Variants in TVP23A observed in about 807,000 individuals in gnomAD.
TVP23A encodes Golgi apparatus membrane protein TVP23 homolog A.
A neutral mutation model predicts 31.7 loss-of-function variants in TVP23A; 21 were observed. The ratio of observed to expected loss-of-function variants is 0.66; its 90% confidence interval spans 0.47 to 0.95. The LOEUF (loss-of-function observed/expected upper bound fraction) is 0.95. Ranked by LOEUF, TVP23A falls within the 40% of genes least tolerant of loss-of-function variation. The pLI, the probability that TVP23A is intolerant of heterozygous loss-of-function variation, is 0.00. For synonymous variants in TVP23A, 104 were observed against 96.0 expected, an observed-to-expected ratio of 1.08 and a Z score of -0.49; for missense variants, 279 against 255.6, an observed-to-expected ratio of 1.09 and a Z score of -0.62.
intron 2 of TVP23A, among the ~76,000 whole-genome samples, chr16:10,784,051 C>G (rs967205495): frequency 1.3e-5 from 2 of 152,112 alleles, no homozygotes; most frequent in African/African-American, 4.8e-5. Context: ...ATAGAATGGG[C>G]TAGGCGTGGT....
At chr16:10,804,825 T>C (rs965149587) in intron 2 of TVP23A, among the ~76,000 whole-genome samples, 1 of 152,054 alleles carries the variant, frequency 6.6e-6, no homozygotes, top group Non-Finnish European at 1.5e-5. Flanking sequence ...CCCACAAAAT[T>C]AACCATTTTA....
chr16:10,805,914 C>T (rs1218374542), intron 2 of TVP23A, among the ~76,000 whole-genome samples: 1 of 151,974 alleles, frequency 6.6e-6, no homozygotes, highest in African/African-American at 2.4e-5. Context: ...TGGAGTGTCC[C>T]CCAGCAATGT....
At chr16:10,787,816 G>A (rs1000782618) in intron 2 of TVP23A, among the ~76,000 whole-genome samples, 1 of 152,020 alleles carries the variant, frequency 6.6e-6, no homozygotes, top group African/African-American at 2.4e-5. Flanking sequence ...GGCATGAGAT[G>A]ACAAACCCAG....
rs116927907 is a variant in TVP23A at position 10,790,118 on chromosome 16, G to T, written c.90-15022C>A. 9.0e-3 allele frequency among the ~76,000 whole-genome samples: 1,375 copies of T among 152,140 alleles called. 20 individuals are homozygous for T. The highest frequency in any genetic ancestry group is 0.026 in the East Asian group (137 of 5,178). On this transcript the variant is annotated intron_variant, in intron 2 of 7. Transcript: ENST00000299866. ...ATGCTTCCTATTCAGACCTTTAAAA[G>T]GTGCTAGGTTCTCAGTTAATCTCTT...
At chr16:10,809,887 G>C (rs759729193) in intron 2 of TVP23A, among the ~76,000 whole-genome samples, 1 of 152,100 alleles carries the variant, frequency 6.6e-6, no homozygotes, top group Non-Finnish European at 1.5e-5. Flanking sequence ...CTAGGTATGT[G>C]CCCAAAAGAA....
intron 2 of TVP23A, among the ~76,000 whole-genome samples, chr16:10,792,453 T>G (rs2142991839): frequency 6.6e-6 from 1 of 152,256 alleles, no homozygotes; most frequent in East Asian, 1.9e-4. Context: ...AGTTACGAAA[T>G]GCAGGACCCA....
At chr16:10,775,272 C>T in intron 2 of TVP23A, 176 bp from the exon 3 acceptor site, 1 of 1,430,574 alleles carries the variant, frequency 7.0e-7, no homozygotes. Context: ...ATTAGGTCAG[C>T]AGTCCCCAGA....
Position 10,818,551 on chromosome 16 carries a change from C to T in TVP23A, c.-58G>A. 1.9e-6 allele frequency: 3 copies of T among 1,580,548 alleles called. No homozygotes were observed. The highest frequency in any genetic ancestry group is 2.6e-6 in the Non-Finnish European group (3 of 1,170,528). ...CCGGGGCTCCAGCTCCGCCCGTCGC[C>T]GCTGAAGGGGTCGGACGCCGGGCGG... On this transcript the variant is annotated 5_prime_UTR_variant, in exon 1 of 8. Coordinates refer to ENST00000299866, the MANE Select transcript of TVP23A (RefSeq NM_001079512.4). The surrounding 1 kb of genome is among the most constrained non-coding windows in gnomAD (Gnocchi z 4.7).
chr16:10,813,999 CAAAAAAAAAA>C (rs201277067), intron 2 of TVP23A, among the ~76,000 whole-genome samples: 14 of 49,530 alleles, frequency 2.8e-4, no homozygotes, highest in South Asian at 1.3e-3. Context: ...AACTCCATCT[CAAAAAAAAAA>C]AAAAAAAAAA....
intron 2 of TVP23A, among the ~76,000 whole-genome samples, chr16:10,793,763 G>A (rs920993215): frequency 5.9e-5 from 9 of 151,448 alleles, no homozygotes; most frequent in Non-Finnish European, 1.3e-4. Context: ...GCTGGGCATG[G>A]TGGCATACAC....
At position 10,761,429 on chromosome 16, in the gene TVP23A, C is replaced by T. The variant is rs138217163; in HGVS notation, c.*346G>A. On this transcript the variant is annotated 3_prime_UTR_variant and NMD_transcript_variant, in exon 9 of 9. Coordinates refer to the TVP23A transcript ENST00000456096. ...GCCGCAAGGTGAAGCTGCCCATCAT[C>T]GGGGTGGTGGAGAACATGAGTGGCT... 109 of 1,614,124 alleles carry T rather than the reference C, an allele frequency of 6.8e-5. No individual in the cohort carries two copies. In the East Asian group the frequency reaches 2.0e-3, roughly 29 times the overall value.
At chr16:10,762,403 C>A (rs2030066443), downstream of TVP23A, among the ~76,000 whole-genome samples, 2 of 152,228 alleles carry the variant, frequency 1.3e-5, no homozygotes, top group South Asian at 4.1e-4. Context: ...GAGATGCCCA[C>A]TCCCTGAGTG....
At chr16:10,781,340 A>G (rs1445455845) in intron 2 of TVP23A, among the ~76,000 whole-genome samples, 1 of 151,960 alleles carries the variant, frequency 6.6e-6, no homozygotes, top group Non-Finnish European at 1.5e-5. Flanking sequence ...AAAAAAAAAA[A>G]AGAAAAAAGA....
chr16:10,767,852 C>A lies in TVP23A; in HGVS notation c.*1250G>T. ...ATTACGAGTGAAGCGGGCTCAAGAT[C>A]TTCCCATTGTCACCAGCACGGAAAG... On this transcript the variant is annotated 3_prime_UTR_variant, in exon 8 of 8. Transcript: ENST00000299866. This position sits in a 1 kb window ranked among gnomAD's most constrained non-coding sequence, Gnocchi z 4.6. The A allele has an allele frequency of 3.5e-6, 4 of 1,135,080 alleles. No individual in the cohort carries two copies. The highest frequency in any genetic ancestry group is 1.8e-5 in the Admixed American group (1 of 57,046). The allele number at this position is 1,135,080 out of a possible 1,614,324, so 70.3% of individuals were successfully genotyped here. A position where few individuals can be genotyped will look rare whatever the true frequency, so the allele number is the denominator to read the frequency against.
intron 2 of TVP23A, among the ~76,000 whole-genome samples, chr16:10,813,373 G>C (rs1005421424): frequency 9.2e-5 from 14 of 152,148 alleles, no homozygotes; most frequent in African/African-American, 3.4e-4. Context: ...TTCGATGTCA[G>C]CCTGGAATCC....
chr16:10,780,121 G>GAATGAATA (rs2032333393), intron 2 of TVP23A, among the ~76,000 whole-genome samples: 2 of 150,758 alleles, frequency 1.3e-5, no homozygotes, highest in African/African-American at 4.9e-5. Context: ...ATGAATGAAT[G>GAATGAATA]AATGAATAAA....
At position 10,788,743 on chromosome 16, in the gene TVP23A, G is replaced by A. The variant is rs141719545; in HGVS notation, c.90-13647C>T. Among the ~76,000 whole-genome samples, 9 of 152,230 alleles carry A rather than the reference G, an allele frequency of 5.9e-5. No homozygotes were observed. The East Asian group carries it at 9.6e-4, about 16-fold the overall frequency. Reference sequence around the variant, plus strand: ...CAGTATGTCATACTGTAGTAGTAGCGGTTTAAATGAATCTCCTTTGTGCTC... The same window carrying A: ...CAGTATGTCATACTGTAGTAGTAGCAGTTTAAATGAATCTCCTTTGTGCTC... On this transcript the variant is annotated intron_variant, in intron 2 of 7. Transcript: ENST00000299866.
chr16:10,798,812 C>T (rs1305223293), intron 2 of TVP23A, among the ~76,000 whole-genome samples: 3 of 152,074 alleles, frequency 2.0e-5, no homozygotes, highest in Non-Finnish European at 4.4e-5. Flanking sequence ...TACAGGCACA[C>T]ACCACCACAC....
intron 7 of TVP23A, 132 bp downstream of exon 7, chr16:10,770,140 T>C (rs1325026139): frequency 2.6e-6 from 3 of 1,147,848 alleles, no homozygotes; most frequent in Non-Finnish European, 3.7e-6. Flanking sequence ...GTCTGCTTCC[T>C]GCCTGGTCAC....
Sources: allele counts gnomAD v4.1 joint callset (sites outside exome capture counted in the v4.1 genomes callset), GRCh38; gene constraint gnomAD v4.1.1; non-coding constraint Gnocchi (gnomAD v3.1); transcripts MANE v1.5; gene names NCBI Gene and HGNC (gene_info 2026-07-23, HGNC 2026-07-21).